ATP8B4: variants seen among roughly 807,000 people sequenced by gnomAD.
ATP8B4 encodes the protein ATPase phospholipid transporting 8B4 (putative), also known as probable phospholipid-transporting ATPase IM.
In ATP8B4, 133 loss-of-function variants were observed where a neutral mutation model predicts 145.6. That is an observed-to-expected ratio of 0.91 (90% confidence interval 0.79 to 1.05). The LOEUF is 1.05. Among genes scored for constraint, ATP8B4 ranks in the 50% least tolerant of loss-of-function variants. ATP8B4 has a pLI of 0.00. For synonymous variants in ATP8B4, 507 were observed against 492.9 expected (o/e 1.03, Z -0.38); for missense variants, 1,458 against 1,425.2 (o/e 1.02, Z -0.37).
chr15:50,134,784 C>T (rs144996211), intron 1 of ATP8B4, among the ~76,000 whole-genome samples: 1 of 152,206 alleles, frequency 6.6e-6, no homozygotes, highest in South Asian at 2.1e-4. Flanking sequence ...GATGATGTCA[C>T]ATTCTTTGCC....
At chr15:49,980,240 A>G (rs1829681004) in intron 11 of ATP8B4, among the ~76,000 whole-genome samples, 1 of 152,194 alleles carries the variant, frequency 6.6e-6, no homozygotes, top group Admixed American at 6.5e-5. Flanking sequence ...TTTTGTGCAC[A>G]GCAATTGCTA....
chr15:49,975,286 T>C (rs902986741), intron 12 of ATP8B4, among the ~76,000 whole-genome samples: 8 of 152,138 alleles, frequency 5.3e-5, no homozygotes, highest in East Asian at 1.9e-4. Flanking sequence ...TGCTTTTTCA[T>C]ATAGATTCAT....
intron 2 of ATP8B4, among the ~76,000 whole-genome samples, chr15:50,102,843 A>C (rs1167702300): frequency 6.6e-6 from 1 of 152,038 alleles, no homozygotes; most frequent in Non-Finnish European, 1.5e-5. Context: ...AAAACTCCTC[A>C]ACAAAATACC....
chr15:50,138,445 GATA>G (rs2044161798), intron 1 of ATP8B4, among the ~76,000 whole-genome samples: 1 of 44,964 alleles, frequency 2.2e-5, no homozygotes, highest in Non-Finnish European at 9.6e-5. Flanking sequence ...ACAGATGATA[GATA>G]GACAGATGAT....
rs573732597 is a variant in ATP8B4 at position 50,166,177 on chromosome 15, G to A, written c.-43+16084C>T. Among the ~76,000 whole-genome samples the A allele has an allele frequency of 1.6e-4, 24 of 152,236 alleles. No individual in the cohort carries two copies. The South Asian group carries it at 3.7e-3, about 24-fold the overall frequency. On this transcript the variant is annotated intron_variant, in intron 1 of 3. Coordinates refer to the ATP8B4 transcript ENST00000558829. ...CCTATCATAGAATTCTATACTCAGT[G>A]AAAATACTATTCAAAAATGAAAGAT... is the stretch of plus-strand genomic sequence containing the variant.
chr15:49,928,568 A>T (rs900482179), intron 16 of ATP8B4, among the ~76,000 whole-genome samples: 10 of 152,088 alleles, frequency 6.6e-5, no homozygotes, highest in African/African-American at 2.4e-4. Context: ...GGGGGTAGTA[A>T]AATCAGGCCT....
At chr15:50,046,073 A>G (rs1567257982) in intron 4 of ATP8B4, among the ~76,000 whole-genome samples, 1 of 152,200 alleles carries the variant, frequency 6.6e-6, no homozygotes. Context: ...TTCTGTCCAC[A>G]TAACTTTAGG....
chr15:50,057,960 C>A (rs994426907), intron 3 of ATP8B4, among the ~76,000 whole-genome samples: 1 of 151,950 alleles, frequency 6.6e-6, no homozygotes, highest in African/African-American at 2.4e-5. Context: ...TGTTTACTTT[C>A]TTTTTGTGAC....
At chr15:50,169,509 G>A (rs1313684377) in intron 1 of ATP8B4, among the ~76,000 whole-genome samples, 1 of 152,118 alleles carries the variant, frequency 6.6e-6, no homozygotes, top group Non-Finnish European at 1.5e-5. Flanking sequence ...ACACCCTGTG[G>A]GACAAAAAAT....
intron 6 of ATP8B4, among the ~76,000 whole-genome samples, chr15:50,038,119 A>G (rs2050977230): frequency 6.6e-6 from 1 of 152,114 alleles, no homozygotes; most frequent in Non-Finnish European, 1.5e-5. Context: ...AGGGGGGGAC[A>G]GCAAAAAAGA....
At chr15:50,146,528 T>G (rs1416816555) in intron 1 of ATP8B4, among the ~76,000 whole-genome samples, 1 of 152,226 alleles carries the variant, frequency 6.6e-6, no homozygotes, top group East Asian at 1.9e-4. Context: ...GAACTTTACC[T>G]GGTAAGGTAA....
intron 14 of ATP8B4, among the ~76,000 whole-genome samples, chr15:49,936,575 G>C (rs1373021996): frequency 2.0e-5 from 3 of 152,022 alleles, no homozygotes. Flanking sequence ...AAAGCTTTAA[G>C]TTCCTCTCTT....
intron 11 of ATP8B4, among the ~76,000 whole-genome samples, chr15:49,980,953 G>A (rs62020972): frequency 6.6e-6 from 1 of 152,150 alleles, no homozygotes; most frequent in East Asian, 1.9e-4. Flanking sequence ...ACAAATCCCT[G>A]GGATATGGGG....
chr15:49,981,148 T>C, intron 11 of ATP8B4, 58 bp downstream of exon 11: 2 of 1,365,318 alleles, frequency 1.5e-6, no homozygotes, highest in Non-Finnish European at 1.0e-6. Context: ...CCCAGCAAGA[T>C]TCAGTAAATG....
chr15:49,912,006 C>T (rs2039280132), intron 20 of ATP8B4, among the ~76,000 whole-genome samples: 1 of 151,914 alleles, frequency 6.6e-6, no homozygotes, highest in South Asian at 2.1e-4. Context: ...ACAAAACATA[C>T]CAAAACCTAT....
chr15:49,964,212 T>C (rs1599470859), intron 13 of ATP8B4, among the ~76,000 whole-genome samples: 1 of 151,848 alleles, frequency 6.6e-6, no homozygotes, highest in South Asian at 2.1e-4. Context: ...GTGGGAGGAG[T>C]CCCTGAGCTA....
chr15:49,884,362 G>A (rs1328299365), intron 23 of ATP8B4, among the ~76,000 whole-genome samples: 1 of 151,952 alleles, frequency 6.6e-6, no homozygotes, highest in South Asian at 2.1e-4. Flanking sequence ...AACACTTTGG[G>A]GGTCGAGGCT....
intron 14 of ATP8B4, among the ~76,000 whole-genome samples, chr15:49,947,722 G>A (rs1214880916): frequency 2.0e-5 from 3 of 152,078 alleles, no homozygotes; most frequent in African/African-American, 7.2e-5. Context: ...TTTCAAACAT[G>A]TTACAAGCTA....
chr15:49,899,490 T>C (rs2037788512), intron 21 of ATP8B4, among the ~76,000 whole-genome samples: 2 of 152,156 alleles, frequency 1.3e-5, no homozygotes, highest in Admixed American at 1.3e-4. Context: ...GGTAAATGAA[T>C]ATAAAAACAT....
Sources: gnomAD v4.1 joint callset for allele counts (sites outside exome capture counted in the v4.1 genomes callset) on GRCh38, gnomAD v4.1.1 for gene constraint, MANE v1.5 for transcripts, NCBI Gene and HGNC (gene_info 2026-07-23, HGNC 2026-07-21) for gene names.